The following HEATR5A variants were observed in gnomAD, a reference collection of about 807,000 sequenced individuals.
HEATR5A encodes HEAT repeat-containing protein 5A.
Under a neutral mutation model 218.8 loss-of-function variants are expected in HEATR5A, and 178 were observed. That is an observed-to-expected ratio of 0.81 (90% CI 0.72 to 0.92). The LOEUF is 0.92. Among genes scored for constraint, HEATR5A ranks in the 40% least tolerant of loss-of-function variants. HEATR5A has a pLI of 0.00. For synonymous variants in HEATR5A, 864 were observed against 871.6 expected (o/e 0.99, Z 0.15); for missense variants, 2,420 against 2,418.9 (o/e 1.00, Z -0.01).
intron 13 of HEATR5A, among the ~76,000 whole-genome samples, chr14:31,364,570 A>G (rs1901736515): frequency 1.3e-5 from 2 of 152,218 alleles, no homozygotes; most frequent in Middle Eastern, 3.4e-3. Flanking sequence ...ACAGGGTTGC[A>G]CTACCATGCC....
At position 31,404,068 on chromosome 14, in the gene HEATR5A, T is replaced by C. The variant is rs534343600; in HGVS notation, c.-74-1019A>G. Among the ~76,000 whole-genome samples, 3 of 152,288 alleles carry C rather than the reference T, an allele frequency of 2.0e-5. No homozygotes were observed. The East Asian group carries it at 5.8e-4, about 29-fold the overall frequency. On this transcript the variant is annotated intron_variant, in intron 1 of 35. Transcript: ENST00000543095. ...TTTCACTACTCTTCATTTTTCCACA[T>C]TTTAAAAAGCACAACAAAAAGTAGA...
At position 31,315,833 on chromosome 14, in the gene HEATR5A, A is replaced by C; in HGVS notation, c.4155T>G (p.Ser1385Arg). Residue 1385 changes from serine (S) to arginine (R), a missense_variant, in exon 27 of 36, where the codon AGT becomes AGG. Physicochemically the swap from Ser to Arg is moderately radical, Grantham distance 110 (BLOSUM62 -1). Coordinates refer to ENST00000543095, the MANE Select transcript of HEATR5A (RefSeq NM_015473.4). The part of the protein sequence containing the change: ...TKIQAGKEAL[S>R]HLYNESASTM... ...TAGAAGCACTTTCATTATATAAGTG[A>C]CTTAGAGCTTCTTTTCCAGCCTGTA... 6.2e-7 allele frequency: 1 copy of C among 1,613,228 alleles called. No homozygotes were observed.
intron 9 of HEATR5A, 137 bp downstream of exon 9, chr14:31,386,283 C>A (rs540725885): frequency 1.5e-6 from 1 of 650,556 alleles, no homozygotes; most frequent in East Asian, 3.2e-5. Context: ...TTTTAATAAT[C>A]CTGATTATAA....
Position 31,394,078 on chromosome 14 carries a change from G to A in HEATR5A, c.746C>T (p.Ala249Val), listed in dbSNP as rs1161409449. The A allele has an allele frequency of 6.5e-7, 1 of 1,528,168 alleles. No homozygotes were observed. The highest frequency in any genetic ancestry group is 1.4e-5 in the African/African-American group (1 of 72,678). 94.7% of individuals were successfully genotyped at this position (1,528,168 alleles called of 1,614,324 possible). A position where few individuals can be genotyped will look rare whatever the true frequency, so the allele number is the denominator to read the frequency against. Residue 249 changes from alanine to valine, a missense_variant, in exon 6 of 36, where the codon GCT becomes GTT. Physicochemically the swap from Ala to Val is moderately conservative, Grantham distance 64. Transcript: ENST00000543095. Reference sequence around the variant, plus strand: ...TGTTCCTGGATGTTTAGAAATTACAGCTTTAGCTAATATTATGCCTAGTAA... The same window carrying A: ...TGTTCCTGGATGTTTAGAAATTACAACTTTAGCTAATATTATGCCTAGTAA... ...SKLLGIILAK[A>V]VISKHPGTAA... is the part of the protein sequence containing the mutation.
Position 31,321,573 on chromosome 14 carries a change from C to A in HEATR5A, c.3895G>T (p.Val1299Phe). ...RLSGLEMLLVVIRRFATVPEP... is the reference protein window; with the variant it reads ...RLSGLEMLLVFIRRFATVPEP... ...GGAACAGTTGCAAATCGCCGAATAA[C>A]AACTAACAGCATTTCAAGGCCAGAA... is the stretch of plus-strand genomic sequence containing the variant. Residue 1299 changes from valine (V) to phenylalanine (F), a missense_variant, in exon 25 of 36, where the codon GTT (valine) becomes TTT (phenylalanine). Coordinates refer to ENST00000543095, the MANE Select transcript of HEATR5A (RefSeq NM_015473.4). 6.2e-7 allele frequency: 1 copy of A among 1,608,014 alleles called. No homozygotes were observed. Among genetic ancestry groups the A allele is most frequent in the Non-Finnish European group, 8.5e-7 (1 of 1,177,302 alleles).
At chr14:31,301,685 G>A (rs1408242215) in intron 33 of HEATR5A, among the ~76,000 whole-genome samples, 7 of 152,000 alleles carry the variant, frequency 4.6e-5, no homozygotes, top group Non-Finnish European at 8.8e-5. Context: ...TAGAGATGGG[G>A]TTTCACCATG....
intron 11 of HEATR5A, 77 bp downstream of exon 11, chr14:31,380,390 C>T: frequency 3.3e-6 from 3 of 902,644 alleles, no homozygotes; most frequent in Non-Finnish European, 5.2e-6. Flanking sequence ...TTCATTTCAT[C>T]AAATCACATA....
chr14:31,398,758 G>A lies in HEATR5A; in HGVS notation c.362C>T (p.Ser121Phe). 6.5e-7 allele frequency: 1 copy of A among 1,529,310 alleles called. No homozygotes were observed. The highest frequency in any genetic ancestry group is 8.8e-7 in the Non-Finnish European group (1 of 1,140,720). 94.7% of individuals were successfully genotyped at this position (1,529,310 alleles called of 1,614,324 possible). ...TKLAAVVCLG[S>F]LYKKLGRILG... ...TATTCTACCCAACTTCTTGTACAAG[G>A]AACCCAAACATACCACAGCAGCACT... is the stretch of plus-strand genomic sequence containing the variant. The change falls in exon 4 of 36, where the codon TCC becomes TTC. Residue 121 changes from serine (S) to phenylalanine (F), a missense_variant. Transcript: ENST00000543095.
chr14:31,342,431 T>C (rs1370731003), intron 21 of HEATR5A, among the ~76,000 whole-genome samples: 2 of 152,162 alleles, frequency 1.3e-5, no homozygotes, highest in Non-Finnish European at 2.9e-5. Flanking sequence ...TATCAATAAT[T>C]AATATAATAA....
rs571159468 is a variant in HEATR5A at position 31,390,466 on chromosome 14, G to C, written c.773-1461C>G. ...TGGTTAAAGTGAAGTGGAGTGAATG[G>C]AATCTGGATACACATAAATATATAT... On this transcript the variant is annotated intron_variant, in intron 6 of 35. Coordinates refer to ENST00000543095, the MANE Select transcript of HEATR5A (RefSeq NM_015473.4). 2.0e-5 allele frequency among the ~76,000 whole-genome samples: 3 copies of C among 152,154 alleles called. No homozygotes were observed. In the East Asian group the frequency reaches 5.8e-4, roughly 29 times the overall value.
rs1212732675 is a variant in HEATR5A at position 31,398,777 on chromosome 14, C to T, written c.343G>A (p.Ala115Thr). 2 of 1,506,946 alleles carry T rather than the reference C, an allele frequency of 1.3e-6. No individual in the cohort carries two copies. Among genetic ancestry groups the T allele is most frequent in the Non-Finnish European group, 1.8e-6 (2 of 1,120,856 alleles). 93.3% of individuals were successfully genotyped at this position (1,506,946 alleles called of 1,614,324 possible). A position where few individuals can be genotyped will look rare whatever the true frequency, so the allele number is the denominator to read the frequency against. ...TACAAGGAACCCAAACATACCACAG[C>T]AGCACTGAAACAACATTTAAATTAG... is the stretch of plus-strand genomic sequence containing the variant. Reference protein sequence around the residue: ...SPSYLPTKLAAVVCLGSLYKK... With the variant: ...SPSYLPTKLATVVCLGSLYKK... The change falls in exon 4 of 36, where the codon GCT becomes ACT. Residue 115 changes from alanine to threonine, a missense_variant. Coordinates refer to ENST00000543095, the MANE Select transcript of HEATR5A (RefSeq NM_015473.4).
At chr14:31,404,899 G>T (rs1252761236) in intron 1 of HEATR5A, among the ~76,000 whole-genome samples, 1 of 150,268 alleles carries the variant, frequency 6.7e-6, no homozygotes, top group African/African-American at 2.5e-5. Context: ...GGTGAAGAGT[G>T]AGACCCTGTC....
In HEATR5A at chr14:31,418,968, T is replaced by C. The variant is rs148909378; in HGVS notation, c.-75+1504A>G. Among the ~76,000 whole-genome samples, 653 of 152,288 alleles carry C rather than the reference T, an allele frequency of 4.3e-3. 1 individual carries two copies. The highest frequency in any genetic ancestry group is 8.2e-3 in the Non-Finnish European group (559 of 68,026). ...TCTGTAGATAATATATTCATTAGTT[T>C]AATGTAGTTAATTTTAATTAATAAT... On this transcript the variant is annotated intron_variant, in intron 1 of 35. Coordinates refer to ENST00000543095, the MANE Select transcript of HEATR5A (RefSeq NM_015473.4).
rs1901725976 is a variant in HEATR5A at position 31,364,250 on chromosome 14, T to G, written c.2010A>C (p.Ser670=). The G allele has an allele frequency of 6.4e-7, 1 of 1,554,738 alleles. No homozygotes were observed. Among genetic ancestry groups the G allele is most frequent in the African/African-American group, 1.4e-5 (1 of 73,798 alleles). The part of the protein sequence containing the change: ...KMYGSPLKTP[S]VVYRQRLYEL... ...CATAAAGTCTTTGTCTATAAACCAC[T>G]GACGGTGTTTTCAAAGGACTTCCAT... The change falls in exon 14 of 36, where the codon TCA becomes TCC. Residue 670 remains serine, a synonymous_variant. Coordinates refer to ENST00000543095, the MANE Select transcript of HEATR5A (RefSeq NM_015473.4).
intron 25 of HEATR5A, chr14:31,320,161 C>T (rs770494190): frequency 3.7e-4 from 187 of 506,590 alleles, no homozygotes; most frequent in Middle Eastern, 2.6e-3. Flanking sequence ...CTTAGCACAC[C>T]CCAGCACCAG....
chr14:31,322,064 G>T (rs1900124920), intron 24 of HEATR5A, among the ~76,000 whole-genome samples: 1 of 152,126 alleles, frequency 6.6e-6, no homozygotes. Flanking sequence ...TTGAAGCTAA[G>T]ACATAATGTT....
At chr14:31,379,582 G>T (rs757173505) in intron 11 of HEATR5A, among the ~76,000 whole-genome samples, 1 of 152,114 alleles carries the variant, frequency 6.6e-6, no homozygotes, top group African/African-American at 2.4e-5. Context: ...GCTATAACTT[G>T]TATGACAACA....
intron 25 of HEATR5A, among the ~76,000 whole-genome samples, chr14:31,319,508 C>T (rs569248460): frequency 1.3e-3 from 192 of 152,302 alleles, no homozygotes; most frequent in Non-Finnish European, 2.3e-3. Context: ...TGTCCCTAAG[C>T]ATATGTTGGT....
chr14:31,301,808 CTTTTTTTTTTTTTT>C (rs35947008), intron 33 of HEATR5A, among the ~76,000 whole-genome samples: 3 of 82,524 alleles, frequency 3.6e-5, no homozygotes, highest in African/African-American at 1.6e-4. Flanking sequence ...ACACAGCTTT[CTTTTTTTTTTTTTT>C]TTTTTTTTTT....
Sources: allele counts gnomAD v4.1 joint callset (sites outside exome capture counted in the v4.1 genomes callset), GRCh38; gene constraint gnomAD v4.1.1; transcripts MANE v1.5; gene names NCBI Gene and HGNC (gene_info 2026-07-23, HGNC 2026-07-21).